The following WNK1 variants were observed in gnomAD, a reference collection of about 807,000 sequenced individuals.
WNK1 encodes the protein WNK lysine deficient protein kinase 1.
Under a neutral mutation model 222.8 loss-of-function variants are expected in WNK1, and 38 were observed. That is an observed-to-expected ratio of 0.17 (90% CI 0.13 to 0.22). The LOEUF is 0.22. Among genes scored for constraint, WNK1 ranks in the 10% least tolerant of loss-of-function variants. The pLI, the probability that WNK1 is intolerant of heterozygous loss-of-function variation, is 1.00. For synonymous variants in WNK1, 1,090 were observed against 1,092.9 expected (o/e 1.00, Z 0.05); for missense variants, 2,348 against 2,918.4 (o/e 0.80, Z 4.50).
At chr12:829,732 T>A (rs1948649606) in intron 3 of WNK1, among the ~76,000 whole-genome samples, 1 of 152,234 alleles carries the variant, frequency 6.6e-6, no homozygotes, top group South Asian at 2.1e-4. Context: ...GCATATTGTA[T>A]AAAGAAATTC....
At chr12:830,819 A>G (rs1002726112) in intron 4 of WNK1, among the ~76,000 whole-genome samples, 2 of 152,218 alleles carry the variant, frequency 1.3e-5, no homozygotes, top group African/African-American at 4.8e-5. Flanking sequence ...TTTCTGCATC[A>G]TCCAATACCC....
rs1174667117 is a variant in WNK1 at position 862,173 on chromosome 12, A to G, written c.2042A>G (p.His681Arg). 3.1e-6 allele frequency: 5 copies of G among 1,614,156 alleles called. No homozygotes were observed. The highest frequency in any genetic ancestry group is 4.2e-6 in the Non-Finnish European group (5 of 1,180,022). Residue 681 changes from histidine (H) to arginine (R), a missense_variant, in exon 8 of 28, where the codon CAT (histidine) becomes CGT (arginine). By Grantham distance (29) the His-to-Arg change is conservative (BLOSUM62 0). Transcript: ENST00000315939. ...CAGACAGTTTCATATGGTTCCCAAC[A>G]TGAACAGGCACATTCTACAGGCACA... Reference protein sequence around the residue: ...SQQTVSYGSQHEQAHSTGTVP... With the variant: ...SQQTVSYGSQREQAHSTGTVP...
chr12:896,927 C>CG (rs1172865415), intron 24 of WNK1, among the ~76,000 whole-genome samples, 195 bp downstream of exon 24: 9 of 91,128 alleles, frequency 9.9e-5, no homozygotes, highest in African/African-American at 3.3e-4. Flanking sequence ...CACACACACA[C>CG]ACACACACAC....
chr12:803,025 CA>C (rs1195589387), intron 1 of WNK1, among the ~76,000 whole-genome samples: 37 of 151,618 alleles, frequency 2.4e-4, no homozygotes, highest in African/African-American at 8.5e-4. Context: ...GGACATCACA[CA>C]AAAAAGAAAA....
At chr12:825,231 AT>A (rs1454621144) in intron 2 of WNK1, among the ~76,000 whole-genome samples, 2 of 152,224 alleles carry the variant, frequency 1.3e-5, no homozygotes, top group Non-Finnish European at 2.9e-5. Flanking sequence ...GTTTTGATAT[AT>A]TTTTTAAACC....
At chr12:800,155 T>A (rs1268508225) in intron 1 of WNK1, among the ~76,000 whole-genome samples, 1 of 152,126 alleles carries the variant, frequency 6.6e-6, no homozygotes, top group African/African-American at 2.4e-5. Flanking sequence ...AAAAAAAATT[T>A]TTTTTAAACT....
At chr12:765,174 A>G (rs1941532810) in intron 1 of WNK1, among the ~76,000 whole-genome samples, 1 of 148,104 alleles carries the variant, frequency 6.8e-6, no homozygotes, top group Non-Finnish European at 1.5e-5. Flanking sequence ...TGAAATTTTT[A>G]GAACTTCATT....
chr12:774,372 T>C (rs1250694930), intron 1 of WNK1, among the ~76,000 whole-genome samples: 1 of 152,192 alleles, frequency 6.6e-6, no homozygotes, highest in Non-Finnish European at 1.5e-5. Context: ...CTCTTGAGTA[T>C]AATCCAACCA....
In WNK1 at chr12:862,215, C is replaced by G. The variant is rs548555722; in HGVS notation, c.2084C>G (p.Pro695Arg). 2.5e-6 allele frequency: 4 copies of G among 1,614,096 alleles called. No individual in the cohort carries two copies. In the African/African-American group the frequency reaches 5.3e-5, roughly 22 times the overall value. The change falls in exon 8 of 28, where the codon CCT (proline) becomes CGT (arginine). Residue 695 changes from proline (P) to arginine (R), a missense_variant. This residue lies in a region of WNK1 where 547 missense variants were observed against 558.3 expected (regional missense o/e 0.98). Transcript: ENST00000315939. ...ACAGGCACAGTCCCAGGGCATATAC[C>G]TTCTACTGTCCAAGCACAGTCTCAG... ...HSTGTVPGHIPSTVQAQSQPH... is the reference protein window; with the variant it reads ...HSTGTVPGHIRSTVQAQSQPH...
At chr12:865,419 A>T (rs1951582810) in intron 8 of WNK1, 8 of 1,492,462 alleles carry the variant, frequency 5.4e-6, no homozygotes, top group Non-Finnish European at 7.2e-6. Context: ...GAATACATCC[A>T]GGCAACAAGA....
intron 19 of WNK1, 113 bp from the exon 20 acceptor site, chr12:887,108 C>T: frequency 1.0e-6 from 1 of 968,714 alleles, no homozygotes; most frequent in Non-Finnish European, 1.7e-6. Flanking sequence ...CATGTCTTAA[C>T]TATATATATT....
intron 7 of WNK1, 32 bp from the exon 8 acceptor site, chr12:862,051 C>G (rs1951259749): frequency 6.2e-7 from 1 of 1,612,824 alleles, no homozygotes; most frequent in South Asian, 1.1e-5. Flanking sequence ...CTTTCTCTCT[C>G]TCTTTTTTTT....
In WNK1 at chr12:868,660, A is replaced by G. The variant is rs2154072006; in HGVS notation, c.2140-2605A>G. Reference sequence around the variant, plus strand: ...ATGTTCACACACCAAGCTCCTCTTCAGGAGAAGGAGGTGGAATTTTACCTC... The same window carrying G: ...ATGTTCACACACCAAGCTCCTCTTCGGGAGAAGGAGGTGGAATTTTACCTC... On this transcript the variant is annotated intron_variant, in intron 8 of 27. Transcript: ENST00000315939. 6.2e-7 allele frequency: 1 copy of G among 1,613,990 alleles called. No individual in the cohort carries two copies.
In WNK1 at chr12:869,234, C is replaced by G; in HGVS notation, c.2140-2031C>G. The stretch of plus-strand genomic sequence containing the variant: ...TTGTTTAATTTTATCAGTAGAGTTT[C>G]CCCATCTTTGGGGGGTTGTGAACTA... On this transcript the variant is annotated intron_variant, in intron 8 of 27. Coordinates refer to ENST00000315939, the MANE Select transcript of WNK1 (RefSeq NM_018979.4). 2.9e-6 allele frequency: 4 copies of G among 1,373,576 alleles called. No homozygotes were observed. In the South Asian group the frequency reaches 4.7e-5, roughly 16 times the overall value. The allele number at this position is 1,373,576 out of a possible 1,614,324, so 85.1% of individuals were successfully genotyped here.
chr12:797,835 G>A (rs980207740), intron 1 of WNK1, among the ~76,000 whole-genome samples: 4 of 151,566 alleles, frequency 2.6e-5, no homozygotes, highest in Non-Finnish European at 5.9e-5. Flanking sequence ...TGTAATCTCA[G>A]CTACTCAGGA....
intron 4 of WNK1, among the ~76,000 whole-genome samples, chr12:849,007 C>T (rs1236904682): frequency 2.0e-5 from 3 of 152,128 alleles, no homozygotes; most frequent in Admixed American, 1.3e-4. Flanking sequence ...ACACGTGGCA[C>T]TTGTTTTCTA....
At chr12:893,847 T>TAA (rs1555156464) in intron 22 of WNK1, among the ~76,000 whole-genome samples, 1 of 149,976 alleles carries the variant, frequency 6.7e-6, no homozygotes, top group Non-Finnish European at 1.5e-5. Context: ...ATAATAATAA[T>TAA]TCTGAGAACT....
chr12:830,191 T>G, intron 4 of WNK1, 31 bp downstream of exon 4: 1 of 1,612,492 alleles, frequency 6.2e-7, no homozygotes, highest in Non-Finnish European at 8.5e-7. Context: ...TTGTTGAACT[T>G]GGGGCATATC....
intron 1 of WNK1, among the ~76,000 whole-genome samples, chr12:777,584 A>G (rs115216538): frequency 0.015 from 2,327 of 152,318 alleles, 59 homozygotes; most frequent in African/African-American, 0.053. Context: ...ATAGAGCTAG[A>G]TATGATCTAC....
Sources: allele counts gnomAD v4.1 joint callset (sites outside exome capture counted in the v4.1 genomes callset), GRCh38; gene constraint gnomAD v4.1.1; regional missense constraint gnomAD v4.1.1; transcripts MANE v1.5; gene names NCBI Gene and HGNC (gene_info 2026-07-23, HGNC 2026-07-21).